The following FAM163B variants were observed in gnomAD, a reference collection of about 807,000 sequenced individuals.
The protein encoded by FAM163B is family with sequence similarity 163 member B.
In FAM163B, 4 loss-of-function variants were observed where a neutral mutation model predicts 7.6. That is an observed-to-expected ratio of 0.52 (90% CI 0.26 to 1.20). The LOEUF is 1.20. Ranked by LOEUF, FAM163B falls within the 50% of genes most tolerant of loss-of-function variation. The probability of loss-of-function intolerance (pLI) is 0.14; values close to 1 mark genes in which losing one functional copy is unlikely to be tolerated. For synonymous variants in FAM163B, 120 were observed against 111.6 expected (o/e 1.07, Z -0.47); for missense variants, 250 against 243.0 (o/e 1.03, Z -0.19).
At chr9:133,592,191 G>A (rs563259183) in intron 1 of FAM163B, among the ~76,000 whole-genome samples, 1 of 152,306 alleles carries the variant, frequency 6.6e-6, no homozygotes, top group Non-Finnish European at 1.5e-5. Flanking sequence ...ATAAATGCCT[G>A]TGGGCCGAGT....
At chr9:133,588,665 G>A (rs1241119629) in intron 1 of FAM163B, among the ~76,000 whole-genome samples, 1,903 of 9,028 alleles carry the variant, frequency 0.21, no homozygotes, top group Middle Eastern at 0.25. Context: ...CTAGCATGCT[G>A]AGGGATCTAG....
At chr9:133,580,058 G>C in intron 2 of FAM163B, 73 bp downstream of exon 2, 1 of 1,310,828 alleles carries the variant, frequency 7.6e-7, no homozygotes, top group East Asian at 2.4e-5. Flanking sequence ...ACCTTCAGGC[G>C]GGGCTCCCTC....
At chr9:133,580,092 C>T in intron 2 of FAM163B, 39 bp downstream of exon 2, 1 of 1,570,034 alleles carries the variant, frequency 6.4e-7, no homozygotes, top group Non-Finnish European at 8.7e-7. Flanking sequence ...ACCCTCTGGG[C>T]CTCCCTGCCC....
At position 133,600,114 on chromosome 9, in the gene FAM163B, CTA is replaced by C. The variant is rs1831697876; in HGVS notation, c.-24+8961_-24+8962del. Among the ~76,000 whole-genome samples the C allele has an allele frequency of 7.0e-6, 1 of 143,706 alleles. No homozygotes were observed. Among genetic ancestry groups the C allele is most frequent in the African/African-American group, 2.6e-5 (1 of 37,872 alleles). 94.3% of individuals were successfully genotyped at this position (143,706 alleles called of 152,430 possible). A position where few individuals can be genotyped will look rare whatever the true frequency, so the allele number is the denominator to read the frequency against. ...ATGTGTGCCTCTGAATGTGTGTGGTCTATGTGTATGTGTGTCTGTGTGCGTGT... is the reference window on the plus strand; with the variant it reads ...ATGTGTGCCTCTGAATGTGTGTGGTCTGTGTATGTGTGTCTGTGTGCGTGT... On this transcript the variant is annotated intron_variant, in intron 1 of 2. Coordinates refer to ENST00000673969, the MANE Select transcript of FAM163B (RefSeq NM_001080515.3). This position sits in a 1 kb window ranked among gnomAD's most constrained non-coding sequence, Gnocchi z 4.9.
At chr9:133,605,385 C>A (rs776136318) in intron 1 of FAM163B, among the ~76,000 whole-genome samples, 22 of 152,154 alleles carry the variant, frequency 1.4e-4, no homozygotes, top group Non-Finnish European at 2.8e-4. Context: ...CCCTCAGTAG[C>A]CAGGGAATGT....
intron 1 of FAM163B, 51 bp from the exon 2 acceptor site, chr9:133,580,297 G>A (rs1217755438): frequency 2.2e-6 from 3 of 1,362,836 alleles, no homozygotes; most frequent in African/African-American, 2.9e-5. Context: ...CACCACAAAA[G>A]TCACTCGTGC....
At chr9:133,605,926 C>A (rs555895992) in intron 1 of FAM163B, among the ~76,000 whole-genome samples, 2 of 152,328 alleles carry the variant, frequency 1.3e-5, no homozygotes, top group East Asian at 3.9e-4. Context: ...GCAGGGCCCC[C>A]TCTCCAAGTC....
In FAM163B at chr9:133,609,270, C is replaced by T. The variant is rs991542715; in HGVS notation, c.-217G>A. Among the ~76,000 whole-genome samples, 39 of 150,492 alleles carry T rather than the reference C, an allele frequency of 2.6e-4. No individual in the cohort carries two copies. The highest frequency in any genetic ancestry group is 8.9e-4 in the African/African-American group (37 of 41,370). On this transcript the variant is annotated 5_prime_UTR_variant, in exon 1 of 3. Transcript: ENST00000673969. ...CGGGAGGCCCCCGGGGAGGCGACTG[C>T]GTGCCCAGGCGGGCACCCCTGCCAG...
chr9:133,607,051 G>A (rs991709294), intron 1 of FAM163B, among the ~76,000 whole-genome samples: 8 of 152,154 alleles, frequency 5.3e-5, no homozygotes, highest in African/African-American at 1.9e-4. Flanking sequence ...TGGGGGCTTG[G>A]ACTCAGGTCA....
At chr9:133,591,376 G>A (rs928992429) in intron 1 of FAM163B, among the ~76,000 whole-genome samples, 18 of 152,204 alleles carry the variant, frequency 1.2e-4, no homozygotes, top group Non-Finnish European at 4.4e-5. Flanking sequence ...TGTCCTGTGG[G>A]GGTGGTAACT....
At chr9:133,590,519 A>G (rs1831536567) in intron 1 of FAM163B, among the ~76,000 whole-genome samples, 1 of 152,212 alleles carries the variant, frequency 6.6e-6, no homozygotes, top group South Asian at 2.1e-4. Flanking sequence ...GGAGGCACAA[A>G]GAGGGAGGAA....
At chr9:133,589,518 G>A (rs1391521862) in intron 1 of FAM163B, among the ~76,000 whole-genome samples, 1 of 152,062 alleles carries the variant, frequency 6.6e-6, no homozygotes, top group Non-Finnish European at 1.5e-5. Context: ...CAGCTTGCCT[G>A]TAGGGACGGG....
chr9:133,583,793 G>C (rs1289657588), intron 1 of FAM163B, among the ~76,000 whole-genome samples: 1 of 152,198 alleles, frequency 6.6e-6, no homozygotes. Flanking sequence ...CAACACCCAG[G>C]CTGGTCCAGC....
In FAM163B at chr9:133,606,861, C is replaced by A. The variant is rs569670353; in HGVS notation, c.-24+2216G>T. Among the ~76,000 whole-genome samples the A allele has an allele frequency of 6.6e-6, 1 of 152,354 alleles. No homozygotes were observed. The highest frequency in any genetic ancestry group is 1.9e-4 in the East Asian group (1 of 5,184). ...AATTATTCCTCGCTGGAGCCCGCTG[C>A]CATGAGGCTGCAGAGGCAGGCCCAC... On this transcript the variant is annotated intron_variant, in intron 1 of 2. Transcript: ENST00000673969. This position sits in a 1 kb window ranked among gnomAD's most constrained non-coding sequence, Gnocchi z 4.0.
At chr9:133,591,685 C>T (rs901678895) in intron 1 of FAM163B, among the ~76,000 whole-genome samples, 1 of 152,216 alleles carries the variant, frequency 6.6e-6, no homozygotes, top group Non-Finnish European at 1.5e-5. Flanking sequence ...GCTGATGCAG[C>T]GGGCGCGGGG....
In FAM163B at chr9:133,579,340, G is replaced by A; in HGVS notation, c.183C>T (p.Asn61=). The change falls in exon 3 of 3, where the codon AAC becomes AAT. Residue 61 remains asparagine, a synonymous_variant. Coordinates refer to ENST00000673969, the MANE Select transcript of FAM163B (RefSeq NM_001080515.3). ...VHSHLPPLHS[N]RNLVLTNGPA... is the part of the protein sequence containing the mutation. ...GCCCGTTGGTCAGCACCAGGTTGCGGTTGGAGTGCAGCGGGGGCAGGTGCG... is the reference window on the plus strand; with the variant it reads ...GCCCGTTGGTCAGCACCAGGTTGCGATTGGAGTGCAGCGGGGGCAGGTGCG... The A allele has an allele frequency of 5.0e-6, 8 of 1,613,658 alleles. No homozygotes were observed. The highest frequency in any genetic ancestry group is 6.8e-6 in the Non-Finnish European group (8 of 1,179,952).
intron 1 of FAM163B, among the ~76,000 whole-genome samples, chr9:133,587,671 G>A (rs1013346940): frequency 6.6e-6 from 1 of 152,128 alleles, no homozygotes; most frequent in African/African-American, 2.4e-5. Context: ...GACCCCGGCT[G>A]AGGGCTGCCT....
At chr9:133,597,987 C>T (rs751308288) in intron 1 of FAM163B, among the ~76,000 whole-genome samples, 6 of 152,194 alleles carry the variant, frequency 3.9e-5, no homozygotes, top group Non-Finnish European at 7.3e-5. Flanking sequence ...AGCTCAGCTC[C>T]TTCTCAGACA....
chr9:133,600,756 A>G lies in FAM163B; in HGVS notation c.-24+8321T>C, dbSNP rs1395992009. On this transcript the variant is annotated intron_variant, in intron 1 of 2. Transcript: ENST00000673969. The surrounding 1 kb of genome is among the most constrained non-coding windows in gnomAD (Gnocchi z 4.9). ...CAGAACATGCAACCAGTGGCTGCTCAGAATCTGAGACTCCTTTCCTCTTCG... is the reference window on the plus strand; with the variant it reads ...CAGAACATGCAACCAGTGGCTGCTCGGAATCTGAGACTCCTTTCCTCTTCG... Among the ~76,000 whole-genome samples, 4 of 152,174 alleles carry G rather than the reference A, an allele frequency of 2.6e-5. No individual in the cohort carries two copies. The highest frequency in any genetic ancestry group is 7.2e-5 in the African/African-American group (3 of 41,442).
Sources: gnomAD v4.1 joint callset for allele counts (sites outside exome capture counted in the v4.1 genomes callset) on GRCh38, gnomAD v4.1.1 for gene constraint, Gnocchi (gnomAD v3.1) non-coding constraint, MANE v1.5 for transcripts, NCBI Gene and HGNC (gene_info 2026-07-23, HGNC 2026-07-21) for gene names.